B3GNT2: variants seen among roughly 807,000 people sequenced by gnomAD.
The protein encoded by B3GNT2 is N-acetyllactosaminide beta-1,3-N-acetylglucosaminyltransferase 2.
In B3GNT2, 12 loss-of-function variants were observed where a neutral mutation model predicts 27.6. That is an observed-to-expected ratio of 0.44 (90% CI 0.28 to 0.71). The LOEUF (loss-of-function observed/expected upper bound fraction) is 0.71. Ranked by LOEUF, B3GNT2 falls within the 30% of genes least tolerant of loss-of-function variation. B3GNT2 has a pLI of 0.17. For missense variants in B3GNT2, 413 were observed against 488.5 expected (o/e 0.85, Z 1.46); for synonymous variants, 192 against 189.7 (o/e 1.01, Z -0.10).
chr2:62,207,370 A>G (rs1413319469), intron 1 of B3GNT2, among the ~76,000 whole-genome samples: 1 of 152,132 alleles, frequency 6.6e-6, no homozygotes, highest in African/African-American at 2.4e-5. Context: ...TTTTTTGCAG[A>G]GACGGGGTTT....
At position 62,223,733 on chromosome 2, in the gene B3GNT2, T is replaced by C; in HGVS notation, c.*319T>C. 4.3e-6 allele frequency: 1 copy of C among 234,658 alleles called. No individual in the cohort carries two copies. The highest frequency in any genetic ancestry group is 9.0e-6 in the Non-Finnish European group (1 of 110,676). 14.5% of individuals were successfully genotyped at this position (234,658 alleles called of 1,614,324 possible). On this transcript the variant is annotated 3_prime_UTR_variant, in exon 2 of 2. Transcript: ENST00000301998. ...CCATTTTAAGTGATTTTGTTTGCCC[T>C]CTTCTATAATATTCCTACTTCCCAT... is the stretch of plus-strand genomic sequence containing the variant.
At chr2:62,211,964 C>G (rs893841922) in intron 1 of B3GNT2, among the ~76,000 whole-genome samples, 2 of 152,178 alleles carry the variant, frequency 1.3e-5, no homozygotes, top group Admixed American at 6.5e-5. Context: ...CCGCTTTTCC[C>G]CAAACCCCAG....
At chr2:62,218,612 T>C (rs940385567) in intron 1 of B3GNT2, among the ~76,000 whole-genome samples, 2 of 152,210 alleles carry the variant, frequency 1.3e-5, no homozygotes, top group African/African-American at 4.8e-5. Context: ...AGAATGTGGT[T>C]GAGCCTCATA....
intron 1 of B3GNT2, among the ~76,000 whole-genome samples, chr2:62,205,569 C>G (rs781724623): frequency 6.6e-6 from 1 of 152,182 alleles, no homozygotes; most frequent in Non-Finnish European, 1.5e-5. Context: ...GACAGGAATC[C>G]GAGATGGAGC....
chr2:62,216,157 TA>T (rs893336466), intron 1 of B3GNT2, among the ~76,000 whole-genome samples: 1 of 152,220 alleles, frequency 6.6e-6, no homozygotes, highest in Non-Finnish European at 1.5e-5. Context: ...GCTTCAGTGC[TA>T]CAGGGCTCTC....
At position 62,204,469 on chromosome 2, in the gene B3GNT2, C is replaced by T. The variant is rs185838546; in HGVS notation, c.-10+8114C>T. On this transcript the variant is annotated intron_variant, in intron 1 of 1. Coordinates refer to ENST00000301998, the MANE Select transcript of B3GNT2 (RefSeq NM_006577.6). ...GGCTCTAGATTGTTCACTGGGAAGC[C>T]GAATGATATTTTCAGATTCAAATAT... Among the ~76,000 whole-genome samples, 96 of 152,128 alleles carry T rather than the reference C, an allele frequency of 6.3e-4. No individual in the cohort carries two copies. The Middle Eastern group carries it at 0.01, about 16-fold the overall frequency.
At chr2:62,212,912 A>C (rs1387891842) in intron 1 of B3GNT2, among the ~76,000 whole-genome samples, 1 of 152,146 alleles carries the variant, frequency 6.6e-6, no homozygotes, top group African/African-American at 2.4e-5. Flanking sequence ...CAGAAGGATG[A>C]ATCAGAGAGA....
At chr2:62,219,630 TG>T (rs1365749745) in intron 1 of B3GNT2, among the ~76,000 whole-genome samples, 1 of 152,210 alleles carries the variant, frequency 6.6e-6, no homozygotes, top group Non-Finnish European at 1.5e-5. Context: ...ACACATTTCC[TG>T]TTGCCCTTCC....
chr2:62,210,621 T>C (rs370599332), intron 1 of B3GNT2, among the ~76,000 whole-genome samples: 3 of 151,788 alleles, frequency 2.0e-5, no homozygotes, highest in South Asian at 4.2e-4. Flanking sequence ...AATACAAAAA[T>C]TAGCTGGGTG....
At chr2:62,203,615 G>T (rs1373018810) in intron 1 of B3GNT2, among the ~76,000 whole-genome samples, 1 of 152,070 alleles carries the variant, frequency 6.6e-6, no homozygotes, top group African/African-American at 2.4e-5. Flanking sequence ...GAAGGTGAGG[G>T]GGATTGGGAG....
chr2:62,204,955 C>A (rs1172564470), intron 1 of B3GNT2, among the ~76,000 whole-genome samples: 1 of 152,128 alleles, frequency 6.6e-6, no homozygotes, highest in African/African-American at 2.4e-5. Context: ...TGGGCACCAT[C>A]TAGAGAGGGA....
chr2:62,210,774 AAAT>A (rs543749395), intron 1 of B3GNT2, among the ~76,000 whole-genome samples: 1 of 151,942 alleles, frequency 6.6e-6, no homozygotes, highest in East Asian at 1.9e-4. Context: ...ATCTCAAAAA[AAAT>A]AATAATAATA....
rs753641257 is a variant in B3GNT2 at position 62,208,239 on chromosome 2, C to T, written c.-10+11884C>T. 4.2e-5 allele frequency among the ~76,000 whole-genome samples: 5 copies of T among 118,902 alleles called. No homozygotes were observed. In the East Asian group the frequency reaches 9.2e-4, roughly 22 times the overall value. The allele number at this position is 118,902 out of a possible 152,430, so 78.0% of individuals were successfully genotyped here. Reference sequence around the variant, plus strand: ...CCCTTCCTTTCCCCCTTCCTTCCCCCCCAATCTCTACACCAAGACTGCCAA... The same window carrying T: ...CCCTTCCTTTCCCCCTTCCTTCCCCTCCAATCTCTACACCAAGACTGCCAA... On this transcript the variant is annotated intron_variant, in intron 1 of 1. Coordinates refer to ENST00000301998, the MANE Select transcript of B3GNT2 (RefSeq NM_006577.6).
At chr2:62,210,774 A>T (rs144022777) in intron 1 of B3GNT2, among the ~76,000 whole-genome samples, 77 of 152,064 alleles carry the variant, frequency 5.1e-4, no homozygotes, top group East Asian at 2.7e-3. Context: ...ATCTCAAAAA[A>T]AATAATAATA....
chr2:62,213,365 C>G (rs1016386930), intron 1 of B3GNT2, among the ~76,000 whole-genome samples: 9 of 152,174 alleles, frequency 5.9e-5, no homozygotes, highest in African/African-American at 1.7e-4. Flanking sequence ...TACTAAGGAT[C>G]TTCCTCTAGA....
chr2:62,206,560 T>A (rs1674378341), intron 1 of B3GNT2, among the ~76,000 whole-genome samples: 1 of 152,234 alleles, frequency 6.6e-6, no homozygotes. Context: ...TAATCCAACA[T>A]TATTTTTATA....
At chr2:62,201,846 A>T (rs1467088251) in intron 1 of B3GNT2, among the ~76,000 whole-genome samples, 1 of 152,210 alleles carries the variant, frequency 6.6e-6, no homozygotes, top group African/African-American at 2.4e-5. Flanking sequence ...CCAATACTTT[A>T]TGGAAATTTA....
intron 1 of B3GNT2, among the ~76,000 whole-genome samples, chr2:62,205,159 G>A (rs1045333390): frequency 6.6e-6 from 1 of 152,244 alleles, no homozygotes; most frequent in African/African-American, 2.4e-5. Context: ...TGAAGGGAAC[G>A]TGCAGAGACT....
chr2:62,204,977 G>T (rs1674343757), intron 1 of B3GNT2, among the ~76,000 whole-genome samples: 1 of 152,200 alleles, frequency 6.6e-6, no homozygotes, highest in Non-Finnish European at 1.5e-5. Flanking sequence ...AGAGAAGAAG[G>T]TCACAATGGA....
Sources: gnomAD v4.1 joint callset for allele counts (sites outside exome capture counted in the v4.1 genomes callset) on GRCh38, gnomAD v4.1.1 for gene constraint, MANE v1.5 for transcripts, NCBI Gene and HGNC (gene_info 2026-07-23, HGNC 2026-07-21) for gene names.